NTRK2: variants seen among roughly 807,000 people sequenced by gnomAD.
NTRK2 encodes neurotrophic receptor tyrosine kinase 2.
A neutral mutation model predicts 94.5 loss-of-function variants in NTRK2; 13 were observed. That is an observed-to-expected ratio of 0.14 (90% CI 0.09 to 0.22). NTRK2 has a LOEUF of 0.22. NTRK2 is among the 10% of genes least tolerant of loss of function. The pLI, the probability that NTRK2 is intolerant of heterozygous loss-of-function variation, is 1.00. For missense variants in NTRK2, 639 were observed against 1,071.2 expected (o/e 0.60, Z 5.63); for synonymous variants, 372 against 407.4 (o/e 0.91, Z 1.05).
chr9:84,754,005 G>C (rs1209594962), intron 12 of NTRK2, among the ~76,000 whole-genome samples: 1 of 152,178 alleles, frequency 6.6e-6, no homozygotes, highest in African/African-American at 2.4e-5. Flanking sequence ...CAATGGAGGA[G>C]AAAAAGCGTA....
At chr9:84,843,670 G>A (rs1471193032) in intron 12 of NTRK2, among the ~76,000 whole-genome samples, 1 of 152,194 alleles carries the variant, frequency 6.6e-6, no homozygotes, top group African/African-American at 2.4e-5. Flanking sequence ...GTGTTGCAAC[G>A]CCTCAGCCCT....
chr9:84,871,885 T>G, intron 14 of NTRK2: 1 of 1,613,212 alleles, frequency 6.2e-7, no homozygotes, highest in Non-Finnish European at 8.5e-7. Flanking sequence ...CCATGCCTGA[T>G]GGAGGAGAAG....
chr9:84,869,627 CAT>C (rs925976672), intron 14 of NTRK2, among the ~76,000 whole-genome samples: 1 of 151,980 alleles, frequency 6.6e-6, no homozygotes, highest in African/African-American at 2.4e-5. Context: ...TGAGCACTCT[CAT>C]GTGTTTCTGC....
chr9:84,930,586 G>A (rs984467072), intron 14 of NTRK2, among the ~76,000 whole-genome samples: 7 of 152,168 alleles, frequency 4.6e-5, no homozygotes, highest in African/African-American at 1.2e-4. Flanking sequence ...GTGCATTGCC[G>A]AGGTTTTATT....
chr9:84,724,068 T>C (rs967232234), intron 7 of NTRK2, among the ~76,000 whole-genome samples, 156 bp from the exon 8 acceptor site: 1 of 152,194 alleles, frequency 6.6e-6, no homozygotes, highest in African/African-American at 2.4e-5. Context: ...TAGAATAACT[T>C]CTGATTTACT....
At chr9:85,002,449 G>A (rs1350473589) in intron 17 of NTRK2, among the ~76,000 whole-genome samples, 20 of 152,222 alleles carry the variant, frequency 1.3e-4, no homozygotes, top group Admixed American at 1.3e-3. Flanking sequence ...ATAATGCTCA[G>A]TTTGGGTTCC....
intron 2 of NTRK2, among the ~76,000 whole-genome samples, chr9:84,683,922 A>G (rs1383555394): frequency 6.6e-6 from 1 of 152,134 alleles, no homozygotes; most frequent in Admixed American, 6.5e-5. Flanking sequence ...TTTGATTTGC[A>G]TTTCTCTAAT....
chr9:84,775,364 A>G (rs1428754837), intron 12 of NTRK2, among the ~76,000 whole-genome samples: 2 of 152,166 alleles, frequency 1.3e-5, no homozygotes, highest in Admixed American at 6.5e-5. Context: ...ATTTTTTTTC[A>G]GAGTCTGTCT....
chr9:84,880,585 T>A (rs2076225317), intron 14 of NTRK2, among the ~76,000 whole-genome samples: 1 of 152,212 alleles, frequency 6.6e-6, no homozygotes, highest in Admixed American at 6.5e-5. Flanking sequence ...AAACAAGAGT[T>A]GGCATTCATA....
At chr9:85,021,035 G>T (rs1299380680) in intron 18 of NTRK2, among the ~76,000 whole-genome samples, 1 of 152,158 alleles carries the variant, frequency 6.6e-6, no homozygotes, top group Non-Finnish European at 1.5e-5. Context: ...CACCAGTTTT[G>T]TGAAATCAGA....
rs2132972617 is a variant in NTRK2 at position 84,955,314 on chromosome 9, G to C, written c.1969G>C (p.Glu657Gln). The C allele has an allele frequency of 6.2e-7, 1 of 1,609,190 alleles. No individual in the cohort carries two copies. The highest frequency in any genetic ancestry group is 8.5e-7 in the Non-Finnish European group (1 of 1,177,724). ...CGGCCCTGATGCCGTGCTGATGGCT[G>C]AGGGCAACCCGCCCACGGAACTGAC... ...AHGPDAVLMAEGNPPTELTQS... is the reference protein window; with the variant it reads ...AHGPDAVLMAQGNPPTELTQS... Residue 657 changes from glutamate to glutamine, a missense_variant, in exon 17 of 19, where the codon GAG (glutamate) becomes CAG (glutamine). Glu to Gln is a conservative substitution (Grantham distance 29). Coordinates refer to ENST00000277120, the MANE Select transcript of NTRK2 (RefSeq NM_006180.6).
At chr9:84,821,166 C>A (rs78343279) in intron 12 of NTRK2, among the ~76,000 whole-genome samples, 10,074 of 151,538 alleles carry the variant, frequency 0.066, 436 homozygotes, top group African/African-American at 0.12. Context: ...TCTTTCAGTT[C>A]TCTTTTTACT....
intron 15 of NTRK2, among the ~76,000 whole-genome samples, chr9:84,947,503 A>T (rs2078639677): frequency 6.6e-6 from 1 of 152,218 alleles, no homozygotes; most frequent in African/African-American, 2.4e-5. Flanking sequence ...GCACATGTGC[A>T]AAGGGAGGGA....
chr9:84,824,265 G>A (rs1474292007), intron 12 of NTRK2, among the ~76,000 whole-genome samples: 2 of 152,222 alleles, frequency 1.3e-5, no homozygotes, highest in African/African-American at 4.8e-5. Context: ...GGCAGTAACA[G>A]TGGTTCTGAG....
intron 14 of NTRK2, among the ~76,000 whole-genome samples, chr9:84,869,550 T>G (rs1222928997): frequency 6.6e-6 from 1 of 152,190 alleles, no homozygotes; most frequent in African/African-American, 2.4e-5. Context: ...TAAATGTCAT[T>G]TTTTATCTCA....
chr9:84,697,219 A>G (rs2060437333), intron 2 of NTRK2, among the ~76,000 whole-genome samples: 1 of 152,146 alleles, frequency 6.6e-6, no homozygotes, highest in Admixed American at 6.5e-5. Context: ...GGTGGAGGGA[A>G]GCTCAATTTT....
rs977203086 is a variant in NTRK2, at chr9:84,883,247, A to G, written c.1633+15816A>G. On this transcript the variant is annotated intron_variant, in intron 14 of 18. Transcript: ENST00000277120. ...GACCCATTGTGGAAGGTTCTCATCC[A>G]GAAGGACCATGAAGCTGGGTAAGGT... 2.0e-5 allele frequency among the ~76,000 whole-genome samples: 3 copies of G among 152,332 alleles called. No individual in the cohort carries two copies. In the East Asian group the frequency reaches 5.8e-4, roughly 29 times the overall value.
At chr9:84,824,167 A>G (rs1020758918) in intron 12 of NTRK2, among the ~76,000 whole-genome samples, 8 of 152,188 alleles carry the variant, frequency 5.3e-5, no homozygotes, top group Admixed American at 3.9e-4. Context: ...GCAGGTTGCA[A>G]CAGGCAAAAA....
intron 9 of NTRK2, among the ~76,000 whole-genome samples, chr9:84,730,506 C>T (rs955435028): frequency 1.6e-5 from 2 of 128,318 alleles, no homozygotes; most frequent in African/African-American, 3.8e-5. Flanking sequence ...TTTGGGAGGC[C>T]GAGGCGGGCG....
Sources: gnomAD v4.1 joint callset for allele counts (sites outside exome capture counted in the v4.1 genomes callset) on GRCh38, gnomAD v4.1.1 for gene constraint, MANE v1.5 for transcripts, NCBI Gene and HGNC (gene_info 2026-07-23, HGNC 2026-07-21) for gene names.